The following SCRN1 variants were observed in gnomAD, a reference collection of about 807,000 sequenced individuals.
SCRN1 encodes the protein secernin-1.
Under a neutral mutation model 43.3 loss-of-function variants are expected in SCRN1, and 19 were observed. The observed-to-expected ratio is 0.44, with a 90% CI of 0.31 to 0.64. SCRN1 has a LOEUF of 0.64. Ranked by LOEUF, SCRN1 falls within the 30% of genes least tolerant of loss-of-function variation. The pLI, the probability that SCRN1 is intolerant of heterozygous loss-of-function variation, is 0.09. For missense variants in SCRN1, 447 were observed against 524.1 expected (o/e 0.85, Z 1.44); for synonymous variants, 183 against 188.9 (o/e 0.97, Z 0.26).
intron 6 of SCRN1, among the ~76,000 whole-genome samples, chr7:29,930,631 G>A (rs1787126917): frequency 6.6e-6 from 1 of 152,194 alleles, no homozygotes; most frequent in African/African-American, 2.4e-5. Context: ...GGATGGCTTG[G>A]ATGCAGAACA....
chr7:29,936,535 G>A lies in SCRN1; in HGVS notation c.905+21C>T, dbSNP rs202156579. 7.1e-5 allele frequency: 110 copies of A among 1,540,266 alleles called. 1 individual carries two copies. The highest frequency in any genetic ancestry group is 8.9e-5 in the Admixed American group (5 of 56,314). ...AGGGAAGCACTTATGTTCTGCCTAC[G>A]TGACCAGGCCTCGGACAAACCTGGA... On this transcript the variant is annotated intron_variant, in intron 6 of 7. Coordinates refer to ENST00000242059, the MANE Select transcript of SCRN1 (RefSeq NM_014766.5).
At chr7:29,931,619 G>T (rs1787157374) in intron 6 of SCRN1, among the ~76,000 whole-genome samples, 2 of 152,138 alleles carry the variant, frequency 1.3e-5, no homozygotes, top group African/African-American at 4.8e-5. Context: ...TTAGAATTTA[G>T]AATTTAATAT....
Position 29,955,230 on chromosome 7 carries a change from G to A in SCRN1, c.290C>T (p.Thr97Ile), listed in dbSNP as rs930378690. 1 of 1,614,016 alleles carries A rather than the reference G, an allele frequency of 6.2e-7. No individual in the cohort carries two copies. Among genetic ancestry groups the A allele is most frequent in the African/African-American group, 1.3e-5 (1 of 74,904 alleles). The change falls in exon 3 of 8, where the codon ACC (threonine) becomes ATC (isoleucine). Residue 97 changes from threonine (T) to isoleucine (I), a missense_variant. Physicochemically the swap from Thr to Ile is moderately conservative, Grantham distance 89. Coordinates refer to ENST00000242059, the MANE Select transcript of SCRN1 (RefSeq NM_014766.5). ...TTCTATCTCGGCAGCTGGCTCTCTG[G>A]TGTTGATGGCTTCATTGGCTATGCA... ...GVCIANEAIN[T>I]REPAAEIEAL...
At chr7:29,936,160 A>T (rs138319450) in intron 6 of SCRN1, among the ~76,000 whole-genome samples, 1 of 152,220 alleles carries the variant, frequency 6.6e-6, no homozygotes, top group Admixed American at 6.5e-5. Flanking sequence ...TTGATAAATC[A>T]TGAGCATTCC....
chr7:29,945,570 A>G (rs1352698516), intron 3 of SCRN1, among the ~76,000 whole-genome samples: 1 of 152,206 alleles, frequency 6.6e-6, no homozygotes, highest in African/African-American at 2.4e-5. Flanking sequence ...GAAAATATGC[A>G]GTGCTAGTGC....
chr7:29,938,286 C>A (rs1179207821), intron 5 of SCRN1, among the ~76,000 whole-genome samples: 1 of 152,264 alleles, frequency 6.6e-6, no homozygotes, highest in Non-Finnish European at 1.5e-5. Context: ...CCTCCATGGG[C>A]CTCCCAAAGT....
intron 3 of SCRN1, among the ~76,000 whole-genome samples, chr7:29,945,816 G>A (rs1404317699): frequency 1.3e-5 from 2 of 152,148 alleles, no homozygotes; most frequent in Non-Finnish European, 2.9e-5. Flanking sequence ...ATGTACTCAG[G>A]AAGTGTCCAT....
chr7:29,943,536 C>T (rs906965150), intron 4 of SCRN1, among the ~76,000 whole-genome samples: 4 of 152,094 alleles, frequency 2.6e-5, no homozygotes, highest in Admixed American at 2.0e-4. Flanking sequence ...TGGCGTATAC[C>T]GGTCCTCACA....
chr7:29,947,851 G>A (rs1034326553), intron 3 of SCRN1, among the ~76,000 whole-genome samples: 4 of 152,280 alleles, frequency 2.6e-5, no homozygotes, highest in East Asian at 1.9e-4. Context: ...ACCAGAACAC[G>A]TCCTCTTTCT....
intron 2 of SCRN1, among the ~76,000 whole-genome samples, chr7:29,958,276 G>C (rs1268919049): frequency 6.6e-6 from 1 of 152,154 alleles, no homozygotes; most frequent in Non-Finnish European, 1.5e-5. Flanking sequence ...GTTGGGGAGG[G>C]GTAAACACAC....
chr7:29,989,975 G>A (rs1328427695), upstream of SCRN1: 4 of 1,401,886 alleles, frequency 2.9e-6, no homozygotes, highest in Non-Finnish European at 3.7e-6. Context: ...GGAGCTGGAG[G>A]AGCGGCCGAG....
chr7:29,982,647 C>A (rs928189346), intron 1 of SCRN1, among the ~76,000 whole-genome samples: 1 of 139,408 alleles, frequency 7.2e-6, no homozygotes, highest in Non-Finnish European at 1.5e-5. Flanking sequence ...TATGCCACTG[C>A]ACTGCAGCCT....
At chr7:29,979,453 A>G (rs1788934459) in intron 1 of SCRN1, among the ~76,000 whole-genome samples, 1 of 152,196 alleles carries the variant, frequency 6.6e-6, no homozygotes, top group Non-Finnish European at 1.5e-5. Context: ...ATATGTTATG[A>G]ATTTAGTAAC....
At chr7:29,943,764 G>A (rs540959448) in intron 4 of SCRN1, among the ~76,000 whole-genome samples, 3 of 152,154 alleles carry the variant, frequency 2.0e-5, no homozygotes, top group Admixed American at 6.5e-5. Flanking sequence ...AATACGAAAT[G>A]TTAAGAGACT....
At chr7:29,930,820 T>C (rs1787132995) in intron 6 of SCRN1, among the ~76,000 whole-genome samples, 1 of 152,170 alleles carries the variant, frequency 6.6e-6, no homozygotes, top group Non-Finnish European at 1.5e-5. Flanking sequence ...GTGCTTCCAA[T>C]GGCAAGGCAC....
intron 2 of SCRN1, among the ~76,000 whole-genome samples, chr7:29,956,965 T>C (rs1247177061): frequency 2.0e-5 from 3 of 152,196 alleles, no homozygotes; most frequent in Non-Finnish European, 2.9e-5. Flanking sequence ...TGTCAAAAAG[T>C]AGTCCAGGCA....
intron 1 of SCRN1, among the ~76,000 whole-genome samples, chr7:29,982,731 G>GC (rs1562824972): frequency 6.7e-6 from 1 of 148,366 alleles, no homozygotes; most frequent in African/African-American, 2.5e-5. Context: ...GAAGTACTTT[G>GC]CCCAGGGTTG....
At chr7:29,957,886 G>A (rs983013257) in intron 2 of SCRN1, among the ~76,000 whole-genome samples, 2 of 152,218 alleles carry the variant, frequency 1.3e-5, no homozygotes, top group African/African-American at 4.8e-5. Flanking sequence ...CTGCCATGAT[G>A]TCATTAAGGC....
chr7:29,984,340 T>A (rs1053399774), intron 1 of SCRN1, among the ~76,000 whole-genome samples: 49 of 152,154 alleles, frequency 3.2e-4, no homozygotes, highest in South Asian at 1.0e-3. Context: ...ATAAATTTTT[T>A]AAATAACATT....
Sources: allele counts gnomAD v4.1 joint callset (sites outside exome capture counted in the v4.1 genomes callset), GRCh38; gene constraint gnomAD v4.1.1; transcripts MANE v1.5; gene names NCBI Gene and HGNC (gene_info 2026-07-23, HGNC 2026-07-21).